The following CFAP53 variants were observed in gnomAD, a reference collection of about 807,000 sequenced individuals.
The protein encoded by CFAP53 is cilia and flagella associated protein 53.
Under a neutral mutation model 59.7 loss-of-function variants are expected in CFAP53, and 62 were observed. That is an observed-to-expected ratio of 1.04 (90% CI 0.85 to 1.28). The LOEUF is 1.28. Among genes scored for constraint, CFAP53 ranks in the 50% most tolerant of loss-of-function variants. The pLI is 0.00. For synonymous variants in CFAP53, 218 were observed against 205.7 expected, an observed-to-expected ratio of 1.06 and a Z score of -0.51; for missense variants, 629 against 615.6, an observed-to-expected ratio of 1.02 and a Z score of -0.23.
chr18:50,256,580 A>C (rs2033848526), intron 3 of CFAP53: 1 of 152,036 alleles, frequency 6.6e-6, no homozygotes, highest in African/African-American at 2.4e-5. Context: ...TTGAGAGGGA[A>C]TTTACTTTTA....
chr18:50,236,283 G>A (rs1445053241), intron 7 of CFAP53, among the ~76,000 whole-genome samples: 2 of 152,118 alleles, frequency 1.3e-5, no homozygotes, highest in Admixed American at 6.6e-5. Context: ...TTCTTGCACT[G>A]AGTTTTCCTA....
At chr18:50,248,950 A>T (rs2033771572) in intron 5 of CFAP53, among the ~76,000 whole-genome samples, 1 of 151,968 alleles carries the variant, frequency 6.6e-6, no homozygotes, top group Non-Finnish European at 1.5e-5. Flanking sequence ...AACACTACTC[A>T]AGAATAAATT....
rs753909732 is a variant in CFAP53, at chr18:50,254,696, C to T, written c.474-2912G>A. ...CTAAGGTCGGGAGTTCAAGACCAGC[C>T]TGACCAACATGGAGAAACTGCATCT... On this transcript the variant is annotated intron_variant, in intron 3 of 7. Transcript: ENST00000398545. 2.6e-5 allele frequency among the ~76,000 whole-genome samples: 4 copies of T among 152,292 alleles called. No individual in the cohort carries two copies. In the Middle Eastern group the frequency reaches 0.01, roughly 389 times the overall value.
At chr18:50,250,569 T>C (rs938614516) in intron 5 of CFAP53, among the ~76,000 whole-genome samples, 189 bp downstream of exon 5, 10 of 152,204 alleles carry the variant, frequency 6.6e-5, no homozygotes, top group African/African-American at 2.4e-4. Context: ...ATGATTTTGA[T>C]TGGGAGATCC....
chr18:50,254,381 C>T (rs1431141262), intron 3 of CFAP53, among the ~76,000 whole-genome samples: 1 of 152,082 alleles, frequency 6.6e-6, no homozygotes, highest in African/African-American at 2.4e-5. Context: ...TCAACATCAC[C>T]AGCCATTAGG....
intron 6 of CFAP53, among the ~76,000 whole-genome samples, chr18:50,242,462 A>G (rs2033699513): frequency 6.6e-6 from 1 of 152,248 alleles, no homozygotes; most frequent in African/African-American, 2.4e-5. Flanking sequence ...GGGAAGTGAT[A>G]AATGTCCATG....
chr18:50,232,588 CA>C (rs1259719359), intron 7 of CFAP53, among the ~76,000 whole-genome samples: 1 of 152,216 alleles, frequency 6.6e-6, no homozygotes, highest in Non-Finnish European at 1.5e-5. Flanking sequence ...CAAGCTCAGC[CA>C]CTGGAAAAAA....
chr18:50,250,790 G>A lies in CFAP53; in HGVS notation c.964C>T (p.Gln322Ter), dbSNP rs2033790578. Residue 322 changes from glutamine (Q) to a stop codon, truncating the protein, a stop_gained, in exon 5 of 8, where the codon CAG (glutamine) becomes TAG (stop). Transcript: ENST00000398545. LOFTEE classifies it high-confidence loss of function. ...KLVQRALQDLQEEADKKKQKR... is the reference protein window; with the variant it reads ...KLVQRALQDL Reference sequence around the variant, plus strand: ...TGTTTCTTTTTATCTGCCTCTTCCTGTAAGTCTTGAAGGGCCCTTTGCACG... The same window carrying A: ...TGTTTCTTTTTATCTGCCTCTTCCTATAAGTCTTGAAGGGCCCTTTGCACG... 1.9e-6 allele frequency: 3 copies of A among 1,614,048 alleles called. No homozygotes were observed. Among genetic ancestry groups the A allele is most frequent in the African/African-American group, 2.7e-5 (2 of 74,936 alleles).
At chr18:50,242,809 A>T in intron 6 of CFAP53, 91 bp downstream of exon 6, 1 of 1,053,496 alleles carries the variant, frequency 9.5e-7, no homozygotes, top group Non-Finnish European at 1.4e-6. Flanking sequence ...ATGGTGTTTT[A>T]CATAATAAGT....
chr18:50,241,435 T>C (rs1000486994), intron 6 of CFAP53, among the ~76,000 whole-genome samples: 1 of 152,116 alleles, frequency 6.6e-6, no homozygotes, highest in East Asian at 1.9e-4. Context: ...TTGAAAGATA[T>C]CTAGATTTCT....
chr18:50,229,627 T>C (rs1450890417), intron 7 of CFAP53, among the ~76,000 whole-genome samples: 2 of 152,190 alleles, frequency 1.3e-5, no homozygotes, highest in African/African-American at 4.8e-5. Flanking sequence ...ATGTAGTAGT[T>C]TTAATATTTA....
intron 5 of CFAP53, among the ~76,000 whole-genome samples, chr18:50,244,146 C>T (rs563018132): frequency 1.3e-5 from 2 of 152,266 alleles, no homozygotes; most frequent in African/African-American, 4.8e-5. Flanking sequence ...GCAATGAGTT[C>T]ATCCAATACC....
chr18:50,255,048 C>T (rs2033835042), intron 3 of CFAP53, among the ~76,000 whole-genome samples: 1 of 152,194 alleles, frequency 6.6e-6, no homozygotes, highest in Non-Finnish European at 1.5e-5. Flanking sequence ...AAATGTCCTT[C>T]AGTAAGTGAA....
intron 1 of CFAP53, among the ~76,000 whole-genome samples, chr18:50,264,614 G>A (rs1023110986): frequency 6.6e-6 from 1 of 152,164 alleles, no homozygotes; most frequent in Non-Finnish European, 1.5e-5. Flanking sequence ...TTTAATTCTT[G>A]CAACACAATT....
intron 3 of CFAP53, among the ~76,000 whole-genome samples, chr18:50,255,504 G>A (rs2033838844): frequency 6.6e-6 from 1 of 151,654 alleles, no homozygotes; most frequent in Admixed American, 6.6e-5. Context: ...CTAGGTGAAG[G>A]GTAAATGGGA....
intron 6 of CFAP53, among the ~76,000 whole-genome samples, chr18:50,241,761 A>G (rs940032582): frequency 6.6e-6 from 1 of 152,084 alleles, no homozygotes; most frequent in Non-Finnish European, 1.5e-5. Context: ...GGTCATAAAG[A>G]TCACAAGGAG....
At chr18:50,233,598 C>T (rs187070557) in intron 7 of CFAP53, among the ~76,000 whole-genome samples, 2 of 152,328 alleles carry the variant, frequency 1.3e-5, no homozygotes, top group Admixed American at 6.5e-5. Context: ...CCCTTCTTCT[C>T]GCCTGTCTCC....
chr18:50,229,926 T>C (rs965795977), intron 7 of CFAP53, among the ~76,000 whole-genome samples: 1 of 151,916 alleles, frequency 6.6e-6, no homozygotes, highest in African/African-American at 2.4e-5. Flanking sequence ...TTTTTTGTTG[T>C]TGTTGTATTT....
At chr18:50,244,880 G>A (rs201643753) in intron 5 of CFAP53, among the ~76,000 whole-genome samples, 1 of 148,122 alleles carries the variant, frequency 6.8e-6, no homozygotes, top group Admixed American at 6.8e-5. Flanking sequence ...GGCCAACATG[G>A]TAAAACCCCG....
Sources: allele counts gnomAD v4.1 joint callset (sites outside exome capture counted in the v4.1 genomes callset), GRCh38; gene constraint gnomAD v4.1.1; transcripts MANE v1.5; gene names NCBI Gene and HGNC (gene_info 2026-07-23, HGNC 2026-07-21).